The following ANO8 variants were observed in gnomAD, a reference collection of about 807,000 sequenced individuals.
ANO8 encodes anoctamin-8.
Under a neutral mutation model 120.4 loss-of-function variants are expected in ANO8, and 67 were observed. The ratio of observed to expected loss-of-function variants is 0.56; its 90% confidence interval spans 0.46 to 0.68. ANO8 has a LOEUF of 0.68. ANO8 is among the 30% of genes least tolerant of loss of function. The pLI is 0.00. For missense variants in ANO8, 1,526 were observed against 1,737.6 expected (o/e 0.88, Z 2.16); for synonymous variants, 727 against 759.2 (o/e 0.96, Z 0.70).
chr19:17,333,575 C>A lies in ANO8; in HGVS notation c.218-21G>T, dbSNP rs757172572. The A allele has an allele frequency of 2.5e-6, 4 of 1,607,450 alleles. No individual in the cohort carries two copies. Among genetic ancestry groups the A allele is most frequent in the Non-Finnish European group, 2.5e-6 (3 of 1,178,846 alleles). On this transcript the variant is annotated intron_variant, in intron 2 of 17. Coordinates refer to ENST00000159087, the MANE Select transcript of ANO8 (RefSeq NM_020959.3). The surrounding 1 kb of genome is among the most constrained non-coding windows in gnomAD (Gnocchi z 7.2). ...CGTGTCTGCCAAGGGGCACAGGGAC[C>A]GATGGCTCCTGCCACGAGGGGGCCC...
rs969096294 is a variant in ANO8 at position 17,327,869 on chromosome 19, C to A, written c.2238G>T (p.Gln746His). The change falls in exon 14 of 18, where the codon CAG becomes CAT. Residue 746 changes from glutamine (Q) to histidine (H), a missense_variant. Around this residue, in one of 8 missense-constraint regions of ANO8, gnomAD observed 467 missense variants for 425.8 expected, o/e 1.10. Transcript: ENST00000159087. ...ACTGCACGAACATCTCCTGGTAGTC[C>A]TGGAACGTGTCCTGCGAGTGGGCGG... ...SCMKKYEDTF[Q>H]DYQEMFVQFG... 3 of 1,613,434 alleles carry A rather than the reference C, an allele frequency of 1.9e-6. No individual in the cohort carries two copies. Among genetic ancestry groups the A allele is most frequent in the African/African-American group, 2.7e-5 (2 of 74,932 alleles).
chr19:17,330,693 G>A, intron 8 of ANO8, 135 bp downstream of exon 8: 1 of 1,431,770 alleles, frequency 7.0e-7, no homozygotes, highest in Non-Finnish European at 9.4e-7. Flanking sequence ...GGAGCACACA[G>A]AGCCCGCCTC....
Position 17,327,514 on chromosome 19 carries a change from C to A in ANO8, c.2474G>T (p.Gly825Val). The change falls in exon 15 of 18, where the codon GGC (glycine) becomes GTC (valine). Residue 825 changes from glycine to valine, a missense_variant. Physicochemically the swap from Gly to Val is moderately radical, Grantham distance 109. This residue lies in a region of ANO8 where 77 missense variants were observed against 131.5 expected (regional missense o/e 0.59). Coordinates refer to ENST00000159087, the MANE Select transcript of ANO8 (RefSeq NM_020959.3). ...GAGGCGCTGCAGCTGCCCGCACTGG[C>A]CGATTAAGTAGCAGTTGACCACAAT... The part of the protein sequence containing the change: ...LAIVVNCYLI[G>V]QCGQLQRLFP... 2 of 1,613,406 alleles carry A rather than the reference C, an allele frequency of 1.2e-6. No homozygotes were observed. The highest frequency in any genetic ancestry group is 1.7e-6 in the Non-Finnish European group (2 of 1,179,890).
Position 17,331,347 on chromosome 19 carries a change from C to T in ANO8, c.651G>A (p.Leu217=). The T allele has an allele frequency of 6.2e-7, 1 of 1,614,134 alleles. No individual in the cohort carries two copies. The highest frequency in any genetic ancestry group is 8.5e-7 in the Non-Finnish European group (1 of 1,180,034). The stretch of plus-strand genomic sequence containing the variant: ...GCACCCATGACTTCATGAGGCGGTT[C>T]AGAATACGCTGCTCGTGGACAGGGA... ...QVFPVHEQRI[L]NRLMKSWVQA... Residue 217 remains leucine (L), a synonymous_variant, in exon 6 of 18, where the codon CTG becomes CTA. Coordinates refer to ENST00000159087, the MANE Select transcript of ANO8 (RefSeq NM_020959.3).
At position 17,334,708 on chromosome 19, in the gene ANO8, G is replaced by C. The variant is rs867501182; in HGVS notation, c.-38C>G. On this transcript the variant is annotated 5_prime_UTR_variant, in exon 1 of 18. Coordinates refer to ENST00000159087, the MANE Select transcript of ANO8 (RefSeq NM_020959.3). ...TCAGGTCAGGGGCTACGGACGGCCC[G>C]GGCGACGGGGAGCCGCGGGCTCATG... 1.2e-5 allele frequency: 16 copies of C among 1,339,554 alleles called. No individual in the cohort carries two copies. The highest frequency in any genetic ancestry group is 2.7e-4 in the Middle Eastern group (1 of 3,664). 83.0% of individuals were successfully genotyped at this position (1,339,554 alleles called of 1,614,324 possible). A position where few individuals can be genotyped will look rare whatever the true frequency, so the allele number is the denominator to read the frequency against.
intron 12 of ANO8, chr19:17,329,325 C>T: frequency 2.9e-6 from 1 of 349,106 alleles, no homozygotes; most frequent in South Asian, 5.3e-5. Context: ...TCCGCGCATG[C>T]GCCCTCAGCT....
Position 17,328,339 on chromosome 19 carries a change from C to T in ANO8, c.2049G>A (p.Gly683=), listed in dbSNP as rs998360049. The T allele has an allele frequency of 6.3e-7, 1 of 1,579,380 alleles. No individual in the cohort carries two copies. ...EPPAILFRRA[G]GEGRDQGPDG... Reference sequence around the variant, plus strand: ...CGGGCCCCTGGTCTCGGCCCTCGCCCCCGGCCCGGCGGAACAAGATGGCCG... The same window carrying T: ...CGGGCCCCTGGTCTCGGCCCTCGCCTCCGGCCCGGCGGAACAAGATGGCCG... Residue 683 remains glycine (G), a synonymous_variant, in exon 13 of 18, where the codon GGG becomes GGA. Transcript: ENST00000159087.
rs1212754907 is a variant in ANO8, at chr19:17,327,340, G to C, written c.2556C>G (p.Phe852Leu). The C allele has an allele frequency of 6.4e-7, 1 of 1,550,494 alleles. No homozygotes were observed. The highest frequency in any genetic ancestry group is 2.0e-5 in the Admixed American group (1 of 51,004). The change falls in exon 16 of 18, where the codon TTC (phenylalanine) becomes TTG (leucine). Residue 852 changes from phenylalanine (F) to leucine (L), a missense_variant. Around this residue, in one of 8 missense-constraint regions of ANO8, gnomAD observed 489 missense variants for 548.6 expected, o/e 0.89. Transcript: ENST00000159087. ...AIVSVVVLEH[F>L]ALLLKYLIHV... is the part of the protein sequence containing the mutation. ...GGATGAGGTACTTGAGGAGCAGAGC[G>C]AAGTGCTGCAGGGGTGGCAGAGAGG...
Position 17,334,756 on chromosome 19 carries a change from C to G in ANO8, c.-86G>C. The G allele has an allele frequency of 1.2e-5, 15 of 1,231,708 alleles. No homozygotes were observed. The highest frequency in any genetic ancestry group is 1.6e-5 in the Non-Finnish European group (15 of 945,844). 76.3% of individuals were successfully genotyped at this position (1,231,708 alleles called of 1,614,324 possible). A position where few individuals can be genotyped will look rare whatever the true frequency, so the allele number is the denominator to read the frequency against. ...ATGGGGCCGGTGCAGCCGCGGAGCG[C>G]GCGGGAGGAGGAGACAAAGGCCGCG... On this transcript the variant is annotated 5_prime_UTR_variant, in exon 1 of 18. Transcript: ENST00000159087.
chr19:17,333,622 T>A lies in ANO8; in HGVS notation c.217+68A>T. On this transcript the variant is annotated intron_variant, in intron 2 of 17. Coordinates refer to ENST00000159087, the MANE Select transcript of ANO8 (RefSeq NM_020959.3). This position sits in a 1 kb window ranked among gnomAD's most constrained non-coding sequence, Gnocchi z 7.2. ...GCCCAAGGCCTCCTACGTATTCCCGTTCTGGGAAGCCGAGCTCAGGAGAGC... is the reference window on the plus strand; with the variant it reads ...GCCCAAGGCCTCCTACGTATTCCCGATCTGGGAAGCCGAGCTCAGGAGAGC... 7.2e-7 allele frequency: 1 copy of A among 1,391,282 alleles called. No individual in the cohort carries two copies. Among genetic ancestry groups the A allele is most frequent in the East Asian group, 4.0e-5 (1 of 24,952 alleles). The allele number at this position is 1,391,282 out of a possible 1,614,324, so 86.2% of individuals were successfully genotyped here.
rs778400104 is a variant in ANO8, at chr19:17,325,255, C to G, written c.2793G>C (p.Arg931Ser). 1 of 1,609,172 alleles carries G rather than the reference C, an allele frequency of 6.2e-7. No individual in the cohort carries two copies. The highest frequency in any genetic ancestry group is 1.7e-5 in the Admixed American group (1 of 59,984). Residue 931 changes from arginine to serine, a missense_variant, in exon 17 of 18, where the codon AGG becomes AGC. By Grantham distance (110) the Arg-to-Ser change is moderately radical. Around this residue, in one of 8 missense-constraint regions of ANO8, gnomAD observed 489 missense variants for 548.6 expected, o/e 0.89. Transcript: ENST00000159087. ...EHDSGGREEA[R>S]AEGSGLDPAT... The stretch of plus-strand genomic sequence containing the variant: ...CAGGGTCCAGCCCAGAGCCCTCGGC[C>G]CTCGCCTCCTCTCGGCCACCAGAAT...
chr19:17,329,638 G>A, intron 12 of ANO8, 119 bp downstream of exon 12: 2 of 721,996 alleles, frequency 2.8e-6, no homozygotes, highest in South Asian at 1.7e-5. Flanking sequence ...ACAGACAGGA[G>A]AGAAGGATGG....
In ANO8 at chr19:17,333,398, A is replaced by G. The variant is rs376970352; in HGVS notation, c.350+24T>C. ...GGGGAGTCGGGTGGCAGGCTCAGCG[A>G]GAGGCCAGGGACAGGGGACTCGCCT... On this transcript the variant is annotated intron_variant, in intron 3 of 17. Coordinates refer to ENST00000159087, the MANE Select transcript of ANO8 (RefSeq NM_020959.3). This position sits in a 1 kb window ranked among gnomAD's most constrained non-coding sequence, Gnocchi z 7.2. 11 of 1,613,456 alleles carry G rather than the reference A, an allele frequency of 6.8e-6. No individual in the cohort carries two copies. In the African/African-American group the frequency reaches 1.5e-4, roughly 22 times the overall value.
chr19:17,328,101 G>T lies in ANO8; in HGVS notation c.2226+61C>A, dbSNP rs1004773095. On this transcript the variant is annotated intron_variant, in intron 13 of 17. Transcript: ENST00000159087. The stretch of plus-strand genomic sequence containing the variant: ...TCCCACCCCCACGGCCTTCACCCTC[G>T]GACGGTGTGTCCCGTCCCCGGCGAG... 21 of 1,354,626 alleles carry T rather than the reference G, an allele frequency of 1.6e-5. No individual in the cohort carries two copies. In the African/African-American group the frequency reaches 2.2e-4, roughly 14 times the overall value. The allele number at this position is 1,354,626 out of a possible 1,614,324, so 83.9% of individuals were successfully genotyped here.
At chr19:17,327,379 C>T in intron 15 of ANO8, 34 bp from the exon 16 acceptor site, 3 of 1,551,782 alleles carry the variant, frequency 1.9e-6, no homozygotes, top group Non-Finnish European at 2.6e-6. Context: ...CTGCAGGCTG[C>T]AGACGCTGGG....
Position 17,328,148 on chromosome 19 carries a change from C to CCCCCCCT in ANO8, c.2226+13_2226+14insAGGGGGG. 6.5e-7 allele frequency: 1 copy of CCCCCCCT among 1,540,536 alleles called. No homozygotes were observed. The highest frequency in any genetic ancestry group is 8.8e-7 in the Non-Finnish European group (1 of 1,141,928). Reference sequence around the variant, plus strand: ...CGAGGCCCCGCCCCCTGCGAGGCCCCGCCCCCTCCTCACCTCGTACTTCTT... The same window carrying CCCCCCCT: ...CGAGGCCCCGCCCCCTGCGAGGCCCCCCCCCCTGCCCCCTCCTCACCTCGTACTTCTT... On this transcript the variant is annotated intron_variant, in intron 13 of 17. Transcript: ENST00000159087.
At chr19:17,325,578 G>A (rs1410507934) in intron 16 of ANO8, among the ~76,000 whole-genome samples, 192 bp from the exon 17 acceptor site, 1 of 152,244 alleles carries the variant, frequency 6.6e-6, no homozygotes, top group Non-Finnish European at 1.5e-5. Context: ...CTTATTGGGT[G>A]CAAACGGCAT....
At chr19:17,329,934 T>G in intron 11 of ANO8, 25 bp downstream of exon 11, 1 of 1,614,026 alleles carries the variant, frequency 6.2e-7, no homozygotes, top group Non-Finnish European at 8.5e-7. Flanking sequence ...GTTGTCCCCC[T>G]GCCTGTCCGA....
chr19:17,333,881 G>A lies in ANO8; in HGVS notation c.107-81C>T. 3.3e-6 allele frequency: 4 copies of A among 1,222,768 alleles called. No individual in the cohort carries two copies. In the East Asian group the frequency reaches 7.6e-5, roughly 23 times the overall value. The allele number at this position is 1,222,768 out of a possible 1,614,324, so 75.7% of individuals were successfully genotyped here. On this transcript the variant is annotated intron_variant, in intron 1 of 17. Transcript: ENST00000159087. The surrounding 1 kb of genome is among the most constrained non-coding windows in gnomAD (Gnocchi z 7.2). ...TCCAGTCTTGGCTCCTCCTGCCCCCGCCAGGGCTCCTCACCACTCCACCTG... is the reference window on the plus strand; with the variant it reads ...TCCAGTCTTGGCTCCTCCTGCCCCCACCAGGGCTCCTCACCACTCCACCTG...
Sources: gnomAD v4.1 joint callset for allele counts (sites outside exome capture counted in the v4.1 genomes callset) on GRCh38, gnomAD v4.1.1 for gene constraint, gnomAD v4.1.1 regional missense constraint, Gnocchi (gnomAD v3.1) non-coding constraint, MANE v1.5 for transcripts, NCBI Gene and HGNC (gene_info 2026-07-23, HGNC 2026-07-21) for gene names.